MAP2K5: variants seen among roughly 807,000 people sequenced by gnomAD.
MAP2K5 encodes dual specificity mitogen-activated protein kinase kinase 5.
Under a neutral mutation model 83.1 loss-of-function variants are expected in MAP2K5, and 49 were observed. The ratio of observed to expected loss-of-function variants is 0.59; its 90% CI spans 0.47 to 0.75. The LOEUF (loss-of-function observed/expected upper bound fraction) is 0.75. Among genes scored for constraint, MAP2K5 ranks in the 30% least tolerant of loss-of-function variants. The probability of loss-of-function intolerance (pLI) is 0.00; values close to 1 mark genes in which losing one functional copy is unlikely to be tolerated. For missense variants in MAP2K5, 457 were observed against 557.5 expected, an observed-to-expected ratio of 0.82 and a Z score of 1.82; for synonymous variants, 202 against 191.8, an observed-to-expected ratio of 1.05 and a Z score of -0.44.
intron 13 of MAP2K5, among the ~76,000 whole-genome samples, chr15:67,666,358 A>G (rs1402374978): frequency 6.6e-6 from 1 of 152,172 alleles, no homozygotes; most frequent in Non-Finnish European, 1.5e-5. Context: ...TACCTTTTGT[A>G]TTCCTGTATC....
chr15:67,583,267 G>T (rs1462088845), intron 4 of MAP2K5, among the ~76,000 whole-genome samples: 1 of 152,154 alleles, frequency 6.6e-6, no homozygotes, highest in Non-Finnish European at 1.5e-5. Context: ...ATTAGAGTGT[G>T]CATGGGAGTA....
chr15:67,555,358 A>G lies in MAP2K5; in HGVS notation c.184+5276A>G, dbSNP rs1291183632. On this transcript the variant is annotated intron_variant, in intron 2 of 21. Transcript: ENST00000178640. The surrounding 1 kb of genome is among the most constrained non-coding windows in gnomAD (Gnocchi z 5.2). ...CAACAGAGTGAGAACCCACTACCAT[A>G]GAGAGGGCACTGAGTCATTCATGGG... Among the ~76,000 whole-genome samples, 1 of 152,180 alleles carries G rather than the reference A, an allele frequency of 6.6e-6. No homozygotes were observed. The highest frequency in any genetic ancestry group is 2.4e-5 in the African/African-American group (1 of 41,438).
At chr15:67,767,202 T>C (rs961617251) in intron 19 of MAP2K5, among the ~76,000 whole-genome samples, 3 of 152,240 alleles carry the variant, frequency 2.0e-5, no homozygotes, top group Admixed American at 2.0e-4. Context: ...ATGCAAGATG[T>C]CACATTTCCT....
chr15:67,566,064 T>A (rs2084831630), intron 3 of MAP2K5, among the ~76,000 whole-genome samples: 1 of 152,222 alleles, frequency 6.6e-6, no homozygotes, highest in Non-Finnish European at 1.5e-5. Flanking sequence ...GTAGGTTCAA[T>A]TTGGCTCTGA....
intron 16 of MAP2K5, among the ~76,000 whole-genome samples, chr15:67,714,448 A>G (rs1229115680): frequency 9.2e-6 from 1 of 108,148 alleles, no homozygotes; most frequent in African/African-American, 3.5e-5. Flanking sequence ...AAAAAAAAAA[A>G]AAAAAAACCA....
intron 16 of MAP2K5, among the ~76,000 whole-genome samples, chr15:67,709,974 G>C (rs928829745): frequency 1.3e-5 from 2 of 152,178 alleles, no homozygotes; most frequent in Non-Finnish European, 2.9e-5. Context: ...ACTTTATTAA[G>C]GTTGATGGTG....
rs139559912 is a variant in MAP2K5, at chr15:67,757,361, TCTAAAAGCC to T, written c.1134+8763_1134+8771del. Among the ~76,000 whole-genome samples the T allele has an allele frequency of 2.5e-3, 374 of 152,336 alleles. 21 individuals are homozygous for T. The East Asian group carries it at 0.063, about 26-fold the overall frequency. ...ATTCAATAGTTGATGTTCACACATTTCTAAAAGCCCTTGACCCCTTTATGTTGCTCAAAA... is the reference window on the plus strand; with the variant it reads ...ATTCAATAGTTGATGTTCACACATTTCTTGACCCCTTTATGTTGCTCAAAA... On this transcript the variant is annotated intron_variant, in intron 19 of 21. Coordinates refer to ENST00000178640, the MANE Select transcript of MAP2K5 (RefSeq NM_145160.3). This position sits in a 1 kb window ranked among gnomAD's most constrained non-coding sequence, Gnocchi z 4.9.
chr15:67,619,797 G>A (rs570057922), intron 8 of MAP2K5, among the ~76,000 whole-genome samples: 55 of 151,806 alleles, frequency 3.6e-4, no homozygotes, highest in Non-Finnish European at 6.5e-4. Flanking sequence ...CAGCCATGGC[G>A]GTACTCTCCT....
chr15:67,601,795 T>A lies in MAP2K5; in HGVS notation c.545+1046T>A, dbSNP rs539336664. 2.6e-5 allele frequency among the ~76,000 whole-genome samples: 4 copies of A among 152,358 alleles called. No individual in the cohort carries two copies. In the East Asian group the frequency reaches 7.7e-4, roughly 29 times the overall value. ...ATTGATGCAGCCTTGGTATAGAATT[T>A]GATTTCTCAGGCTTAGAAGCTCTTT... On this transcript the variant is annotated intron_variant, in intron 8 of 21. Coordinates refer to ENST00000178640, the MANE Select transcript of MAP2K5 (RefSeq NM_145160.3).
chr15:67,651,086 C>A (rs566809164), intron 11 of MAP2K5, among the ~76,000 whole-genome samples: 1 of 152,246 alleles, frequency 6.6e-6, no homozygotes, highest in East Asian at 1.9e-4. Context: ...GGCATGGTGG[C>A]ACATGCCTGT....
intron 3 of MAP2K5, among the ~76,000 whole-genome samples, chr15:67,570,889 T>C (rs898310505): frequency 2.6e-5 from 4 of 152,142 alleles, no homozygotes; most frequent in African/African-American, 9.7e-5. Context: ...ACAGCATGAG[T>C]ATTCCTTATA....
At chr15:67,739,447 TA>T (rs2089428297) in intron 17 of MAP2K5, among the ~76,000 whole-genome samples, 2 of 14,788 alleles carry the variant, frequency 1.4e-4, no homozygotes, top group Non-Finnish European at 2.3e-4. Flanking sequence ...TATATATATA[TA>T]TATATATATA....
chr15:67,693,733 T>G (rs1310075719), intron 15 of MAP2K5, among the ~76,000 whole-genome samples, 165 bp downstream of exon 15: 1 of 152,198 alleles, frequency 6.6e-6, no homozygotes, highest in Non-Finnish European at 1.5e-5. Flanking sequence ...TAAAAGACAT[T>G]AGAGTTTTTA....
At chr15:67,707,465 T>C (rs1407349589) in intron 16 of MAP2K5, among the ~76,000 whole-genome samples, 1 of 152,252 alleles carries the variant, frequency 6.6e-6, no homozygotes, top group East Asian at 1.9e-4. Flanking sequence ...ACTCCTCTTC[T>C]GTTTATTCTC....
chr15:67,757,874 T>A lies in MAP2K5; in HGVS notation c.1134+9273T>A, dbSNP rs1047057351. Among the ~76,000 whole-genome samples the A allele has an allele frequency of 4.6e-5, 7 of 151,894 alleles. No individual in the cohort carries two copies. The South Asian group carries it at 1.3e-3, about 27-fold the overall frequency. On this transcript the variant is annotated intron_variant, in intron 19 of 21. Transcript: ENST00000178640. This position sits in a 1 kb window ranked among gnomAD's most constrained non-coding sequence, Gnocchi z 4.9. ...GGGAAACACAGAGGAGAGAACTCAG[T>A]GGAGGAGATGGGGGCTACCAGGGAA...
chr15:67,630,974 C>G, intron 9 of MAP2K5, 47 bp downstream of exon 9: 10 of 1,423,292 alleles, frequency 7.0e-6, no homozygotes, highest in Non-Finnish European at 9.8e-6. Flanking sequence ...TCACCTCTTT[C>G]CTTTCCTCTG....
chr15:67,698,347 C>T lies in MAP2K5; in HGVS notation c.972+4779C>T, dbSNP rs528364648. 1.1e-3 allele frequency among the ~76,000 whole-genome samples: 173 copies of T among 151,974 alleles called. 1 individual carries two copies. Among genetic ancestry groups the T allele is most frequent in the African/African-American group, 4.0e-3 (165 of 41,444 alleles). On this transcript the variant is annotated intron_variant, in intron 15 of 21. Coordinates refer to ENST00000178640, the MANE Select transcript of MAP2K5 (RefSeq NM_145160.3). This position sits in a 1 kb window ranked among gnomAD's most constrained non-coding sequence, Gnocchi z 4.5. Reference sequence around the variant, plus strand: ...GGATTACAGGCGTGCACCACCACGCCCGGCTAATTTTTGTATTTTTAGTAG... The same window carrying T: ...GGATTACAGGCGTGCACCACCACGCTCGGCTAATTTTTGTATTTTTAGTAG...
chr15:67,610,637 A>G lies in MAP2K5; in HGVS notation c.545+9888A>G, dbSNP rs1349180454. Among the ~76,000 whole-genome samples, 3 of 151,966 alleles carry G rather than the reference A, an allele frequency of 2.0e-5. No homozygotes were observed. In the East Asian group the frequency reaches 5.8e-4, roughly 29 times the overall value. On this transcript the variant is annotated intron_variant, in intron 8 of 21. Transcript: ENST00000178640. Reference sequence around the variant, plus strand: ...TTTTTTCTTTGCTCTGTCATTGGTTACTTTGATGTAGGGGACCATGTTTCT... The same window carrying G: ...TTTTTTCTTTGCTCTGTCATTGGTTGCTTTGATGTAGGGGACCATGTTTCT...
At chr15:67,765,717 C>T (rs1456326930) in intron 19 of MAP2K5, among the ~76,000 whole-genome samples, 2 of 152,164 alleles carry the variant, frequency 1.3e-5, no homozygotes, top group Non-Finnish European at 2.9e-5. Context: ...TGGACCTCTT[C>T]CTGCCTTGTC....
Sources: gnomAD v4.1 joint callset for allele counts (sites outside exome capture counted in the v4.1 genomes callset) on GRCh38, gnomAD v4.1.1 for gene constraint, Gnocchi (gnomAD v3.1) non-coding constraint, MANE v1.5 for transcripts, NCBI Gene and HGNC (gene_info 2026-07-23, HGNC 2026-07-21) for gene names.